NFAT5: variants seen among roughly 807,000 people sequenced by gnomAD.
NFAT5 encodes nuclear factor of activated T cells 5.
NFAT5 carries 31 observed loss-of-function variants against 166.5 expected under a neutral mutation model. The observed-to-expected ratio is 0.19, with a 90% confidence interval of 0.14 to 0.25. The LOEUF (loss-of-function observed/expected upper bound fraction) is 0.25. Ranked by LOEUF, NFAT5 falls within the 10% of genes least tolerant of loss-of-function variation. NFAT5 has a pLI of 1.00. For synonymous variants in NFAT5, 612 were observed against 639.7 expected (o/e 0.96, Z 0.65); for missense variants, 1,449 against 1,821.8 (o/e 0.80, Z 3.72).
At chr16:69,618,204 T>G (rs1432992117) in intron 2 of NFAT5, among the ~76,000 whole-genome samples, 2 of 152,078 alleles carry the variant, frequency 1.3e-5, no homozygotes, top group Non-Finnish European at 2.9e-5. Context: ...AGTTTTCTTC[T>G]TCCCCAAATT....
intron 2 of NFAT5, among the ~76,000 whole-genome samples, chr16:69,578,026 T>C (rs1250562171): frequency 6.6e-6 from 1 of 152,046 alleles, no homozygotes; most frequent in African/African-American, 2.4e-5. Context: ...GTACTGAACA[T>C]GTACAGACTT....
chr16:69,635,023 G>GTTTTTTTTTTTTTTTTTT (rs530661389), intron 3 of NFAT5, among the ~76,000 whole-genome samples: 1 of 105,268 alleles, frequency 9.5e-6, no homozygotes, highest in Non-Finnish European at 1.8e-5. Context: ...TGTTAGTAAA[G>GTTTTTTTTTTTTTTTTTT]TTTTTTTTTT....
rs747626446 is a variant in NFAT5 at position 69,693,057 on chromosome 16, T to C, written c.3232T>C (p.Phe1078Leu). The stretch of plus-strand genomic sequence containing the variant: ...GATGATGTCACTTCAATCTGGAAAT[T>C]TTTTGCAGCAGTCTTCTCATTCACA... ...NEMMSLQSGN[F>L]LQQSSHSQAQ... The change falls in exon 13 of 15, where the codon TTT (phenylalanine) becomes CTT (leucine). Residue 1078 changes from phenylalanine to leucine, a missense_variant. Around this residue, in one of 7 missense-constraint regions of NFAT5, gnomAD observed 891 missense variants for 993.0 expected, o/e 0.90. Transcript: ENST00000349945. 6.2e-7 allele frequency: 1 copy of C among 1,614,022 alleles called. No homozygotes were observed. Among genetic ancestry groups the C allele is most frequent in the Non-Finnish European group, 8.5e-7 (1 of 1,180,026 alleles).
intron 3 of NFAT5, among the ~76,000 whole-genome samples, chr16:69,643,438 G>T (rs930963933): frequency 7.0e-6 from 1 of 142,220 alleles, no homozygotes. Flanking sequence ...ATTTTAATAG[G>T]ATATTAAGGA....
chr16:69,670,786 G>A (rs1169123448), intron 9 of NFAT5, among the ~76,000 whole-genome samples: 2 of 152,108 alleles, frequency 1.3e-5, no homozygotes, highest in Non-Finnish European at 2.9e-5. Flanking sequence ...TTAGGAATTC[G>A]TATTTAGAGC....
In NFAT5 at chr16:69,692,039, G is replaced by A; in HGVS notation, c.2214G>A (p.Glu738=). The A allele has an allele frequency of 6.2e-7, 1 of 1,614,170 alleles. No homozygotes were observed. The highest frequency in any genetic ancestry group is 8.5e-7 in the Non-Finnish European group (1 of 1,180,038). ...AGACAAGAGAAACTCAGTCTAGAGA[G>A]ATATTACAGTCAGATGGTACAGTGG... ...QFQTRETQSR[E]ILQSDGTVVN... The change falls in exon 13 of 15, where the codon GAG becomes GAA. Residue 738 remains glutamate, a synonymous_variant. Coordinates refer to ENST00000349945, the MANE Select transcript of NFAT5 (RefSeq NM_138713.4).
chr16:69,619,661 C>T (rs1437986240), intron 2 of NFAT5, among the ~76,000 whole-genome samples: 1 of 152,138 alleles, frequency 6.6e-6, no homozygotes, highest in Non-Finnish European at 1.5e-5. Context: ...TGAGTGAGTA[C>T]AGCATGAAAA....
chr16:69,605,145 A>G (rs1439226085), intron 2 of NFAT5, among the ~76,000 whole-genome samples: 1 of 152,218 alleles, frequency 6.6e-6, no homozygotes, highest in Non-Finnish European at 1.5e-5. Flanking sequence ...TATTAATTAA[A>G]AAAGAAAGTG....
chr16:69,649,481 A>G, intron 4 of NFAT5: 2 of 984,310 alleles, frequency 2.0e-6, no homozygotes, highest in Non-Finnish European at 2.4e-6. Flanking sequence ...GGGAAAGTAT[A>G]ATGACATTGG....
chr16:69,605,382 G>A (rs1465375316), intron 2 of NFAT5, among the ~76,000 whole-genome samples: 3 of 152,204 alleles, frequency 2.0e-5, no homozygotes, highest in South Asian at 4.1e-4. Flanking sequence ...GGAGGTTGCA[G>A]TGAGCCAAGA....
intron 2 of NFAT5, among the ~76,000 whole-genome samples, chr16:69,598,118 C>A (rs2151536089): frequency 6.6e-6 from 1 of 152,098 alleles, no homozygotes; most frequent in African/African-American, 2.4e-5. Context: ...TGTGGTGGCT[C>A]ACACCTGTAA....
At chr16:69,688,222 AAAAAC>A (rs1437977236) in intron 11 of NFAT5, among the ~76,000 whole-genome samples, 31 of 143,896 alleles carry the variant, frequency 2.2e-4, no homozygotes, top group African/African-American at 8.5e-4. Context: ...AAAAAAAAAA[AAAAAC>A]CAGGAGTTTG....
chr16:69,640,261 G>A (rs1055939239), intron 3 of NFAT5, among the ~76,000 whole-genome samples: 1 of 152,170 alleles, frequency 6.6e-6, no homozygotes, highest in African/African-American at 2.4e-5. Context: ...GTATAGGTCG[G>A]TCTCGTTTTC....
chr16:69,629,580 T>C (rs2034615486), intron 3 of NFAT5, among the ~76,000 whole-genome samples: 1 of 152,060 alleles, frequency 6.6e-6, no homozygotes, highest in African/African-American at 2.4e-5. Flanking sequence ...AGTGTCAGAA[T>C]CTGGGAGGTG....
chr16:69,657,808 G>A (rs1049641237), intron 6 of NFAT5, among the ~76,000 whole-genome samples: 103 of 148,982 alleles, frequency 6.9e-4, no homozygotes, highest in Non-Finnish European at 1.2e-3. Flanking sequence ...CATATAGGCC[G>A]GGCGCAGTGG....
At chr16:69,667,153 C>T (rs1433168057) in intron 7 of NFAT5, among the ~76,000 whole-genome samples, 2 of 127,240 alleles carry the variant, frequency 1.6e-5, no homozygotes, top group Non-Finnish European at 3.1e-5. Context: ...AGGGGAACAT[C>T]ACACTCTGGG....
At chr16:69,639,835 T>C (rs1230366519) in intron 3 of NFAT5, among the ~76,000 whole-genome samples, 1 of 152,194 alleles carries the variant, frequency 6.6e-6, no homozygotes, top group Non-Finnish European at 1.5e-5. Flanking sequence ...TTCTGGCTTA[T>C]GGATTAGAGA....
At chr16:69,623,524 T>C (rs1465421823) in intron 2 of NFAT5, among the ~76,000 whole-genome samples, 2 of 151,694 alleles carry the variant, frequency 1.3e-5, no homozygotes, top group African/African-American at 4.8e-5. Flanking sequence ...TATTTTTTTT[T>C]GAGATGGAGT....
chr16:69,610,542 C>T (rs984086683), intron 2 of NFAT5, among the ~76,000 whole-genome samples: 1 of 152,144 alleles, frequency 6.6e-6, no homozygotes, highest in Non-Finnish European at 1.5e-5. Flanking sequence ...AGATGGCATT[C>T]CTAACCTCAG....
Sources: allele counts gnomAD v4.1 joint callset (sites outside exome capture counted in the v4.1 genomes callset), GRCh38; gene constraint gnomAD v4.1.1; regional missense constraint gnomAD v4.1.1; transcripts MANE v1.5; gene names NCBI Gene and HGNC (gene_info 2026-07-23, HGNC 2026-07-21).